Variants in IGDCC4 observed in about 807,000 individuals in gnomAD.
IGDCC4 encodes immunoglobulin superfamily DCC subclass member 4.
IGDCC4 carries 72 observed loss-of-function variants against 116.6 expected under a neutral mutation model. The ratio of observed to expected loss-of-function variants is 0.62; its 90% CI spans 0.51 to 0.75. IGDCC4 has a LOEUF of 0.75. Ranked by LOEUF, IGDCC4 falls within the 30% of genes least tolerant of loss-of-function variation. The probability of loss-of-function intolerance (pLI) is 0.00; values close to 1 mark genes in which losing one functional copy is unlikely to be tolerated. For synonymous variants in IGDCC4, 709 were observed against 719.9 expected (o/e 0.98, Z 0.24); for missense variants, 1,501 against 1,662.4 (o/e 0.90, Z 1.69).
chr15:65,391,742 C>T (rs1218361430), intron 12 of IGDCC4, 138 bp downstream of exon 12: 5 of 719,744 alleles, frequency 6.9e-6, no homozygotes, highest in Non-Finnish European at 1.2e-5. Flanking sequence ...GACCCCTGAT[C>T]CTAGGAGAAT....
intron 3 of IGDCC4, among the ~76,000 whole-genome samples, chr15:65,405,140 G>GA (rs1555436238): frequency 0.013 from 1,680 of 131,898 alleles, 34 homozygotes; most frequent in African/African-American, 0.039. Flanking sequence ...GGGGGGGGGG[G>GA]AGTAAAAAAA....
In IGDCC4 at chr15:65,392,120, C is replaced by G. The variant is rs775441049; in HGVS notation, c.2122+14G>C. The G allele has an allele frequency of 4.5e-6, 7 of 1,566,480 alleles. No individual in the cohort carries two copies. The Admixed American group carries it at 5.4e-5, about 12-fold the overall frequency. On this transcript the variant is annotated intron_variant, in intron 11 of 19. Transcript: ENST00000352385. ...GCTACATCCCTCCCTCCCCCTCCCC[C>G]CAGCCCTCCTCACCTAGCTGGGTCA...
intron 6 of IGDCC4, 142 bp from the exon 7 acceptor site, chr15:65,396,305 C>T: frequency 1.1e-6 from 1 of 922,080 alleles, no homozygotes; most frequent in Non-Finnish European, 1.7e-6. Flanking sequence ...TCACCCTTTC[C>T]AAACTACTCC....
intron 3 of IGDCC4, among the ~76,000 whole-genome samples, chr15:65,406,536 C>T (rs1270826014): frequency 6.6e-6 from 1 of 152,138 alleles, no homozygotes; most frequent in South Asian, 2.1e-4. Context: ...TACACCCTGA[C>T]GCAGTGTGTT....
At position 65,381,635 on chromosome 15, in the gene IGDCC4, A is replaced by G. The variant is rs1036463500; in HGVS notation, c.*2374T>C. ...CAGCATAAACTAAATACAGACAAAT[A>G]AATGAGCAAGTACTGATTACACTTG... On this transcript the variant is annotated 3_prime_UTR_variant, in exon 20 of 20. Transcript: ENST00000352385. The G allele has an allele frequency of 6.6e-6, 1 of 152,252 alleles. No individual in the cohort carries two copies. The highest frequency in any genetic ancestry group is 1.9e-4 in the East Asian group (1 of 5,204). The allele number at this position is 152,252 out of a possible 1,614,324, so 9.4% of individuals were successfully genotyped here. A position where few individuals can be genotyped will look rare whatever the true frequency, so the allele number is the denominator to read the frequency against.
intron 1 of IGDCC4, among the ~76,000 whole-genome samples, chr15:65,414,851 A>G (rs1476521616): frequency 6.6e-6 from 1 of 152,246 alleles, no homozygotes; most frequent in African/African-American, 2.4e-5. Context: ...CATTTTGGCC[A>G]GGCTGGTCTT....
intron 3 of IGDCC4, among the ~76,000 whole-genome samples, chr15:65,408,931 C>T (rs1245236476): frequency 6.7e-6 from 1 of 150,106 alleles, no homozygotes; most frequent in African/African-American, 2.5e-5. Context: ...GTAGCCTGAA[C>T]CTCCAAGTGA....
rs1353012980 is a variant in IGDCC4 at position 65,396,938 on chromosome 15, A to C, written c.893T>G (p.Leu298Arg). 1.3e-6 allele frequency: 2 copies of C among 1,577,070 alleles called. No individual in the cohort carries two copies. Among genetic ancestry groups the C allele is most frequent in the East Asian group, 4.6e-5 (2 of 43,248 alleles). The stretch of plus-strand genomic sequence containing the variant: ...GTGCCAGGGCTGCGCGTTGGCAATT[A>C]GTAGGTTGGTGCGGCCCAGGACGAT... ...DVIVLGRTNL[L>R]IANAQPWHSG... The change falls in exon 6 of 20, where the codon CTA becomes CGA. Residue 298 changes from leucine to arginine, a missense_variant. Leu to Arg is a moderately radical substitution (Grantham distance 102). This residue lies in a region of IGDCC4 where 898 missense variants were observed against 978.9 expected (regional missense o/e 0.92). Transcript: ENST00000352385.
In IGDCC4 at chr15:65,390,259, A is replaced by C; in HGVS notation, c.2304T>G (p.Leu768=). Residue 768 remains leucine, a synonymous_variant, in exon 13 of 20, where the codon CTT becomes CTG. Coordinates refer to ENST00000352385, the MANE Select transcript of IGDCC4 (RefSeq NM_020962.3). ...AESNSSTSIW[L]RWKKPDFTTV... ...TGGTGAAATCTGGCTTTTTCCACCG[A>C]AGCCAGATGGATGTGGAGCTGTTTG... The C allele has an allele frequency of 6.2e-7, 1 of 1,613,604 alleles. No homozygotes were observed.
intron 3 of IGDCC4, among the ~76,000 whole-genome samples, chr15:65,409,171 C>G (rs1004236436): frequency 6.6e-6 from 1 of 152,122 alleles, no homozygotes; most frequent in East Asian, 1.9e-4. Flanking sequence ...CCCTCTTCCT[C>G]CCTCACAACT....
intron 1 of IGDCC4, among the ~76,000 whole-genome samples, chr15:65,417,254 C>A (rs956838572): frequency 6.6e-6 from 1 of 152,008 alleles, no homozygotes; most frequent in South Asian, 2.1e-4. Context: ...CTGAGCCCCT[C>A]CCCCCAACAG....
At chr15:65,422,527 C>CACACAG (rs1443170688) in intron 1 of IGDCC4, among the ~76,000 whole-genome samples, 2 of 149,862 alleles carry the variant, frequency 1.3e-5, no homozygotes, top group Non-Finnish European at 3.0e-5. Flanking sequence ...CCAACACACA[C>CACACAG]ACACACACAC....
At chr15:65,398,686 T>C (rs1004899479) in intron 5 of IGDCC4, among the ~76,000 whole-genome samples, 4 of 151,574 alleles carry the variant, frequency 2.6e-5, no homozygotes, top group East Asian at 1.9e-4. Flanking sequence ...GGTCAGGAGA[T>C]GGAGACCATC....
Position 65,410,170 on chromosome 15 carries a change from GC to G in IGDCC4, c.563+7del. The G allele has an allele frequency of 6.2e-7, 1 of 1,612,050 alleles. No homozygotes were observed. ...CTACCAGGACCCGCTCCCCTACAGGGCACTCACCGAGGCTCCTCAGGCAATG... is the reference window on the plus strand; with the variant it reads ...CTACCAGGACCCGCTCCCCTACAGGGACTCACCGAGGCTCCTCAGGCAATG... On this transcript the variant is annotated splice_region_variant and intron_variant, in intron 3 of 19. Coordinates refer to ENST00000352385, the MANE Select transcript of IGDCC4 (RefSeq NM_020962.3).
intron 12 of IGDCC4, 116 bp from the exon 13 acceptor site, chr15:65,390,454 G>A: frequency 2.5e-6 from 2 of 790,186 alleles, no homozygotes; most frequent in Middle Eastern, 4.1e-4. Flanking sequence ...GATCCTGTGA[G>A]TTGAGTGGCA....
intron 3 of IGDCC4, among the ~76,000 whole-genome samples, chr15:65,402,945 G>A (rs588842): frequency 0.2 from 31,019 of 152,116 alleles, 4,387 homozygotes; most frequent in African/African-American, 0.41. Flanking sequence ...ATAACACTCC[G>A]TGTGGATGAG....
At position 65,388,818 on chromosome 15, in the gene IGDCC4, G is replaced by A. The variant is rs1442020729; in HGVS notation, c.2697C>T (p.Leu899=). 1.9e-6 allele frequency: 3 copies of A among 1,614,040 alleles called. No homozygotes were observed. The highest frequency in any genetic ancestry group is 2.5e-6 in the Non-Finnish European group (3 of 1,180,034). Residue 899 remains leucine, a synonymous_variant, in exon 15 of 20, where the codon CTC becomes CTT. Transcript: ENST00000352385. ...GGCAGGAGCCCTCACCCTGCGTGGT[G>A]AGCAAGGTCCACTGGTGCTCAGGCT... is the stretch of plus-strand genomic sequence containing the variant. The part of the protein sequence containing the change: ...HTQPEHQWTL[L]TTQGNIFSAE...
intron 1 of IGDCC4, among the ~76,000 whole-genome samples, chr15:65,419,116 G>A (rs902175403): frequency 2.6e-5 from 4 of 151,824 alleles, no homozygotes; most frequent in South Asian, 2.1e-4. Flanking sequence ...ACAGTGGTGC[G>A]AGCCATCATA....
chr15:65,421,599 TTCCCCCCGCC>T (rs2063190951), intron 1 of IGDCC4, among the ~76,000 whole-genome samples: 2 of 152,076 alleles, frequency 1.3e-5, no homozygotes, highest in Admixed American at 6.5e-5. Context: ...CGGAGGCTCC[TTCCCCCCGCC>T]TCCCTCCCAC....
Sources: allele counts gnomAD v4.1 joint callset (sites outside exome capture counted in the v4.1 genomes callset), GRCh38; gene constraint gnomAD v4.1.1; regional missense constraint gnomAD v4.1.1; transcripts MANE v1.5; gene names NCBI Gene and HGNC (gene_info 2026-07-23, HGNC 2026-07-21).